Variants in PARD3B observed in about 807,000 individuals in gnomAD.
PARD3B encodes the protein par-3 family cell polarity regulator beta, also known as partitioning defective 3 homolog B.
PARD3B carries 103 observed loss-of-function variants against 130.2 expected under a neutral mutation model. That is an observed-to-expected ratio of 0.79 (90% confidence interval 0.67 to 0.93). The LOEUF is 0.93. PARD3B is among the 40% of genes least tolerant of loss of function. The pLI is 0.00. For missense variants in PARD3B, 1,609 were observed against 1,499.2 expected, an observed-to-expected ratio of 1.07 and a Z score of -1.21; for synonymous variants, 583 against 553.2, an observed-to-expected ratio of 1.05 and a Z score of -0.76.
At chr2:204,672,466 T>A (rs1358064088) in intron 1 of PARD3B, among the ~76,000 whole-genome samples, 2 of 152,218 alleles carry the variant, frequency 1.3e-5, no homozygotes, top group East Asian at 3.8e-4. Context: ...ATTGTTTTGT[T>A]TGTTCATCTA....
intron 18 of PARD3B, among the ~76,000 whole-genome samples, chr2:205,354,088 A>G (rs2044097884): frequency 2.3e-5 from 3 of 128,362 alleles, no homozygotes; most frequent in Non-Finnish European, 4.6e-5. Flanking sequence ...GCTGGAGTGC[A>G]GTGGCAGTGA....
chr2:205,556,485 T>C (rs778298520), intron 22 of PARD3B, among the ~76,000 whole-genome samples: 1 of 152,122 alleles, frequency 6.6e-6, no homozygotes. Flanking sequence ...TTTCACGAAA[T>C]AAAGCCAGAG....
intron 19 of PARD3B, among the ~76,000 whole-genome samples, chr2:205,431,004 G>A (rs2047314529): frequency 1.3e-5 from 2 of 152,106 alleles, no homozygotes; most frequent in African/African-American, 4.8e-5. Flanking sequence ...AAGTATGTAG[G>A]GGGATTTACT....
At chr2:205,512,071 T>TA (rs765810343) in intron 21 of PARD3B, among the ~76,000 whole-genome samples, 11 of 152,146 alleles carry the variant, frequency 7.2e-5, no homozygotes, top group Non-Finnish European at 1.5e-4. Context: ...AAGAAAACCC[T>TA]AAAATGAGAA....
chr2:204,771,315 C>G (rs1181179769), intron 2 of PARD3B, among the ~76,000 whole-genome samples: 1 of 151,974 alleles, frequency 6.6e-6, no homozygotes, highest in Non-Finnish European at 1.5e-5. Flanking sequence ...ATTATCTGCA[C>G]CCAAGCTGAT....
Position 204,545,731 on chromosome 2 carries a change from A to G in PARD3B, c.-269A>G. On this transcript the variant is annotated 5_prime_UTR_variant, in exon 1 of 23. Transcript: ENST00000406610. ...TAGGAGCGGGAGGAGGAGGAGGAGG[A>G]GCCGGTGCCGCGGAGCTGCCGCGTC... 5.5e-6 allele frequency: 1 copy of G among 180,212 alleles called. No individual in the cohort carries two copies. The highest frequency in any genetic ancestry group is 8.6e-6 in the Non-Finnish European group (1 of 116,022). 11.2% of individuals were successfully genotyped at this position (180,212 alleles called of 1,614,324 possible). A position where few individuals can be genotyped will look rare whatever the true frequency, so the allele number is the denominator to read the frequency against.
chr2:204,560,162 A>G (rs955842256), intron 1 of PARD3B, among the ~76,000 whole-genome samples: 3 of 152,182 alleles, frequency 2.0e-5, no homozygotes, highest in South Asian at 2.1e-4. Context: ...TGTTGTGCAC[A>G]TGTACCCTAG....
chr2:205,204,237 T>G (rs964775904), intron 15 of PARD3B, among the ~76,000 whole-genome samples: 4 of 152,252 alleles, frequency 2.6e-5, no homozygotes, highest in Non-Finnish European at 5.9e-5. Context: ...GTTTGTTGGC[T>G]GCATAAATGT....
chr2:205,064,006 G>GT (rs758823778), intron 4 of PARD3B, among the ~76,000 whole-genome samples: 7 of 152,088 alleles, frequency 4.6e-5, no homozygotes, highest in Non-Finnish European at 7.4e-5. Context: ...GGGAAGTGAG[G>GT]TAAAAACTGT....
intron 2 of PARD3B, among the ~76,000 whole-genome samples, chr2:204,883,455 A>ATTTT (rs1348171832): frequency 3.4e-4 from 26 of 77,272 alleles, no homozygotes; most frequent in East Asian, 3.1e-3. Flanking sequence ...ATATATATAT[A>ATTTT]TTTTTTTTTT....
intron 20 of PARD3B, among the ~76,000 whole-genome samples, chr2:205,489,522 T>TATATACGTATAGATATAC (rs1559141351): frequency 1.6e-5 from 2 of 126,416 alleles, no homozygotes; most frequent in Non-Finnish European, 1.7e-5. Flanking sequence ...TATATATATA[T>TATATACGTATAGATATAC]ACACACATAT....
At chr2:204,912,044 G>A (rs1339755704) in intron 2 of PARD3B, among the ~76,000 whole-genome samples, 1 of 152,128 alleles carries the variant, frequency 6.6e-6, no homozygotes. Context: ...TGAGTTTGTA[G>A]GTTAAAATGT....
At chr2:204,679,418 T>C (rs1422167299) in intron 1 of PARD3B, among the ~76,000 whole-genome samples, 2 of 152,162 alleles carry the variant, frequency 1.3e-5, no homozygotes, top group Non-Finnish European at 2.9e-5. Flanking sequence ...TCCAAAGTGA[T>C]TGTATACATT....
intron 3 of PARD3B, among the ~76,000 whole-genome samples, chr2:205,033,478 A>G (rs1355335459): frequency 1.3e-5 from 2 of 152,080 alleles, no homozygotes; most frequent in Non-Finnish European, 2.9e-5. Context: ...CTTTCTGGTA[A>G]TGTTTTCTAA....
rs2051563521 is a variant in PARD3B, at chr2:205,530,948, G to C, written c.3181-22376G>C. Among the ~76,000 whole-genome samples the C allele has an allele frequency of 6.6e-6, 1 of 152,202 alleles. No homozygotes were observed. Among genetic ancestry groups the C allele is most frequent in the Admixed American group, 6.5e-5 (1 of 15,278 alleles). On this transcript the variant is annotated intron_variant, in intron 21 of 22. Transcript: ENST00000406610. This position sits in a 1 kb window ranked among gnomAD's most constrained non-coding sequence, Gnocchi z 4.7. The stretch of plus-strand genomic sequence containing the variant: ...GAGTGAAAGATGAGATGTCAAAGGA[G>C]AGGGGTTGTGATCTGAAAGGTAAGA...
At position 204,678,179 on chromosome 2, in the gene PARD3B, G is replaced by A. The variant is rs1020563888; in HGVS notation, c.121-8002G>A. Reference sequence around the variant, plus strand: ...GCTCAAACCGCTTGTGGGAGGGGGAGCACGCAGGTGAGCAGGTGCAGGACC... The same window carrying A: ...GCTCAAACCGCTTGTGGGAGGGGGAACACGCAGGTGAGCAGGTGCAGGACC... On this transcript the variant is annotated intron_variant, in intron 1 of 22. Transcript: ENST00000406610. This position sits in a 1 kb window ranked among gnomAD's most constrained non-coding sequence, Gnocchi z 4.2. 2.0e-5 allele frequency among the ~76,000 whole-genome samples: 3 copies of A among 152,176 alleles called. No homozygotes were observed. The highest frequency in any genetic ancestry group is 4.4e-5 in the Non-Finnish European group (3 of 68,032).
intron 1 of PARD3B, among the ~76,000 whole-genome samples, chr2:204,641,104 ATATT>A (rs1422497537): frequency 2.0e-5 from 3 of 148,138 alleles, no homozygotes; most frequent in Admixed American, 1.4e-4. Flanking sequence ...ACATTTATAT[ATATT>A]TATTCTGTCA....
intron 1 of PARD3B, among the ~76,000 whole-genome samples, chr2:204,556,954 G>A (rs1204388668): frequency 6.6e-6 from 1 of 151,360 alleles, no homozygotes. Context: ...TTTACTTCTT[G>A]TTTTTGATGA....
At chr2:204,724,932 C>T (rs1291735793) in intron 2 of PARD3B, among the ~76,000 whole-genome samples, 1 of 152,048 alleles carries the variant, frequency 6.6e-6, no homozygotes, top group East Asian at 1.9e-4. Flanking sequence ...AGTCTATTTG[C>T]AGTTGTTAGA....
Sources: allele counts gnomAD v4.1 joint callset (sites outside exome capture counted in the v4.1 genomes callset), GRCh38; gene constraint gnomAD v4.1.1; non-coding constraint Gnocchi (gnomAD v3.1); transcripts MANE v1.5; gene names NCBI Gene and HGNC (gene_info 2026-07-23, HGNC 2026-07-21).